The following MB21D2 variants were observed in gnomAD, a reference collection of about 807,000 sequenced individuals.
MB21D2 encodes the protein Mab-21 domain containing 2.
In MB21D2, 9 loss-of-function variants were observed where a neutral mutation model predicts 33.3. The observed-to-expected ratio is 0.27, with a 90% CI of 0.16 to 0.47. The LOEUF (loss-of-function observed/expected upper bound fraction) is 0.47, where lower values mean the gene tolerates loss of function less well. Ranked by LOEUF, MB21D2 falls within the 20% of genes least tolerant of loss-of-function variation. The pLI is 0.99. For synonymous variants in MB21D2, 241 were observed against 236.3 expected (o/e 1.02, Z -0.18); for missense variants, 540 against 624.6 (o/e 0.86, Z 1.44).
rs563003994 is a variant in MB21D2 at position 192,897,638 on chromosome 3, T to C, written c.211+19992A>G. On this transcript the variant is annotated intron_variant, in intron 1 of 1. Transcript: ENST00000392452. The stretch of plus-strand genomic sequence containing the variant: ...CAGCATGTTGGTCAGATCAAACACA[T>C]ATGGGGGAGGGGTGGAATGAGCCCA... 2.0e-5 allele frequency among the ~76,000 whole-genome samples: 3 copies of C among 152,078 alleles called. No homozygotes were observed. In the South Asian group the frequency reaches 6.2e-4, roughly 32 times the overall value.
intron 1 of MB21D2, among the ~76,000 whole-genome samples, chr3:192,870,082 C>T (rs930896513): frequency 6.6e-6 from 1 of 152,172 alleles, no homozygotes; most frequent in Non-Finnish European, 1.5e-5. Flanking sequence ...AATTACACAA[C>T]CAAATACGGA....
chr3:192,883,220 T>C (rs982944160), intron 1 of MB21D2, among the ~76,000 whole-genome samples: 6 of 152,064 alleles, frequency 3.9e-5, no homozygotes, highest in Non-Finnish European at 8.8e-5. Flanking sequence ...CTTCAGGGCC[T>C]ATTAACTACA....
rs1463754111 is a variant in MB21D2, at chr3:192,799,702, G to A, written c.212-52C>T. 1.9e-6 allele frequency: 3 copies of A among 1,539,332 alleles called. No individual in the cohort carries two copies. The highest frequency in any genetic ancestry group is 2.6e-6 in the Non-Finnish European group (3 of 1,145,264). ...ACTATTACAGGAAACACAGACATAA[G>A]AGTCTTATGCATGAAACAGAATGCT... On this transcript the variant is annotated intron_variant, in intron 1 of 1. Coordinates refer to ENST00000392452, the MANE Select transcript of MB21D2 (RefSeq NM_178496.4). This position sits in a 1 kb window ranked among gnomAD's most constrained non-coding sequence, Gnocchi z 4.1.
intron 1 of MB21D2, among the ~76,000 whole-genome samples, chr3:192,863,303 TG>T (rs1380051648): frequency 4.6e-5 from 7 of 152,128 alleles, no homozygotes; most frequent in Non-Finnish European, 8.8e-5. Flanking sequence ...GGAACACATC[TG>T]TTTTGGGCCA....
chr3:192,850,027 T>C (rs1433166318), intron 1 of MB21D2, among the ~76,000 whole-genome samples: 4 of 151,866 alleles, frequency 2.6e-5, no homozygotes, highest in Non-Finnish European at 4.4e-5. Flanking sequence ...CAAGCAATTC[T>C]CCTGCCTCAG....
intron 1 of MB21D2, among the ~76,000 whole-genome samples, chr3:192,802,191 G>A (rs1012289855): frequency 2.2e-4 from 33 of 152,150 alleles, no homozygotes; most frequent in African/African-American, 6.8e-4. Flanking sequence ...ATAACTGATC[G>A]GTGTGGGAGT....
At chr3:192,846,216 C>T (rs148027716) in intron 1 of MB21D2, among the ~76,000 whole-genome samples, 1 of 152,158 alleles carries the variant, frequency 6.6e-6, no homozygotes, top group Admixed American at 6.5e-5. Context: ...TGTTATAAAA[C>T]TTACATAGTG....
intron 1 of MB21D2, among the ~76,000 whole-genome samples, chr3:192,848,245 C>A (rs939076646): frequency 6.6e-6 from 1 of 152,132 alleles, no homozygotes; most frequent in Admixed American, 6.5e-5. Flanking sequence ...CAGTTAAATG[C>A]CTACTCTGCT....
intron 1 of MB21D2, among the ~76,000 whole-genome samples, chr3:192,854,814 G>T (rs1712882120): frequency 6.6e-6 from 1 of 152,202 alleles, no homozygotes; most frequent in Non-Finnish European, 1.5e-5. Flanking sequence ...CTCTATAAAT[G>T]GAATAGCAAA....
At chr3:192,828,014 C>A (rs1712214420) in intron 1 of MB21D2, among the ~76,000 whole-genome samples, 1 of 152,020 alleles carries the variant, frequency 6.6e-6, no homozygotes, top group South Asian at 2.1e-4. Context: ...TCTGGGGAAA[C>A]CCCTTTCGCT....
intron 1 of MB21D2, among the ~76,000 whole-genome samples, chr3:192,901,135 GAC>G (rs949732775): frequency 6.6e-6 from 1 of 152,122 alleles, no homozygotes; most frequent in Non-Finnish European, 1.5e-5. Flanking sequence ...GGTCTTGGAT[GAC>G]ACAGAGACAT....
intron 1 of MB21D2, among the ~76,000 whole-genome samples, chr3:192,824,274 T>C (rs1229428646): frequency 6.6e-6 from 1 of 152,182 alleles, no homozygotes; most frequent in Non-Finnish European, 1.5e-5. Flanking sequence ...GGTTGGGAGA[T>C]GTAATAAGAC....
In MB21D2 at chr3:192,840,415, CTTTTTTTTT is replaced by C. The variant is rs71177380; in HGVS notation, c.212-40774_212-40766del. 2.9e-3 allele frequency among the ~76,000 whole-genome samples: 252 copies of C among 88,312 alleles called. 1 individual carries two copies. In the Middle Eastern group the frequency reaches 0.062, roughly 22 times the overall value. 57.9% of individuals were successfully genotyped at this position (88,312 alleles called of 152,430 possible). ...TGACAAAGACTTTTTTCTCTTTTTT[CTTTTTTTTT>C]TTTTTTTTTTTTTTTTGCTTTTCCT... On this transcript the variant is annotated intron_variant, in intron 1 of 1. Transcript: ENST00000392452.
At chr3:192,900,434 G>A (rs1560255344) in intron 1 of MB21D2, among the ~76,000 whole-genome samples, 2 of 152,118 alleles carry the variant, frequency 1.3e-5, no homozygotes, top group Admixed American at 6.6e-5. Flanking sequence ...AAAGCCAAGG[G>A]AGGAAAGCAT....
At chr3:192,851,564 G>C (rs1712807281) in intron 1 of MB21D2, among the ~76,000 whole-genome samples, 1 of 125,902 alleles carries the variant, frequency 7.9e-6, no homozygotes, top group Non-Finnish European at 1.6e-5. Context: ...CCACGATCTT[G>C]GCTCACTGAA....
intron 1 of MB21D2, among the ~76,000 whole-genome samples, chr3:192,843,282 A>G (rs1317402231): frequency 6.6e-6 from 1 of 152,224 alleles, no homozygotes; most frequent in African/African-American, 2.4e-5. Context: ...GAACTACAAA[A>G]GACAAGTGCT....
In MB21D2 at chr3:192,798,494, T is replaced by C. The variant is rs1157099199; in HGVS notation, c.1368A>G (p.Lys456=). The part of the protein sequence containing the change: ...DPNQPDDRLA[K]KLQQLVTENP... ...TCTCAGTCACTAGCTGCTGCAGTTTTTTTGCCAAACGGTCATCAGGCTGGT... is the reference window on the plus strand; with the variant it reads ...TCTCAGTCACTAGCTGCTGCAGTTTCTTTGCCAAACGGTCATCAGGCTGGT... The change falls in exon 2 of 2, where the codon AAA becomes AAG. Residue 456 remains lysine, a synonymous_variant. Coordinates refer to ENST00000392452, the MANE Select transcript of MB21D2 (RefSeq NM_178496.4). The surrounding 1 kb of genome is among the most constrained non-coding windows in gnomAD (Gnocchi z 4.8). 1 of 1,614,206 alleles carries C rather than the reference T, an allele frequency of 6.2e-7. No individual in the cohort carries two copies. Among genetic ancestry groups the C allele is most frequent in the Non-Finnish European group, 8.5e-7 (1 of 1,180,034 alleles).
At position 192,799,145 on chromosome 3, in the gene MB21D2, T is replaced by C. The variant is rs756228220; in HGVS notation, c.717A>G (p.Val239=). Residue 239 remains valine, a synonymous_variant, in exon 2 of 2, where the codon GTA becomes GTG. Coordinates refer to ENST00000392452, the MANE Select transcript of MB21D2 (RefSeq NM_178496.4). The surrounding 1 kb of genome is among the most constrained non-coding windows in gnomAD (Gnocchi z 4.1). ...SRMLYDIVPV[V]SFKGWPAVAQ... ...CCACTGCAGGCCAACCTTTGAAAGA[T>C]ACCACAGGGACAATATCATACAACA... The C allele has an allele frequency of 1.8e-5, 29 of 1,614,072 alleles. No individual in the cohort carries two copies. In the South Asian group the frequency reaches 3.0e-4, roughly 16 times the overall value.
intron 1 of MB21D2, among the ~76,000 whole-genome samples, chr3:192,877,923 G>A (rs1713468371): frequency 6.6e-6 from 1 of 151,444 alleles, no homozygotes; most frequent in South Asian, 2.1e-4. Flanking sequence ...TTAAAGATTT[G>A]GGGTTCCCAA....
Sources: allele counts gnomAD v4.1 joint callset (sites outside exome capture counted in the v4.1 genomes callset), GRCh38; gene constraint gnomAD v4.1.1; non-coding constraint Gnocchi (gnomAD v3.1); transcripts MANE v1.5; gene names NCBI Gene and HGNC (gene_info 2026-07-23, HGNC 2026-07-21).